KDM4C: variants seen among roughly 807,000 people sequenced by gnomAD.
KDM4C encodes the protein lysine-specific demethylase 4C.
In KDM4C, 81 loss-of-function variants were observed where a neutral mutation model predicts 129.3. That is an observed-to-expected ratio of 0.63 (90% CI 0.52 to 0.75). KDM4C has a LOEUF of 0.75. Ranked by LOEUF, KDM4C falls within the 30% of genes least tolerant of loss-of-function variation. The pLI, the probability that KDM4C is intolerant of heterozygous loss-of-function variation, is 0.00. For synonymous variants in KDM4C, 573 were observed against 456.1 expected, an observed-to-expected ratio of 1.26 and a Z score of -3.26; for missense variants, 1,457 against 1,304.0, an observed-to-expected ratio of 1.12 and a Z score of -1.81.
chr9:6,970,479 T>A (rs558231616), intron 8 of KDM4C, among the ~76,000 whole-genome samples: 1 of 152,342 alleles, frequency 6.6e-6, no homozygotes, highest in East Asian at 1.9e-4. Context: ...CAAAGATGGA[T>A]GTAATTTAAT....
chr9:7,063,631 A>T (rs944554018), intron 17 of KDM4C, among the ~76,000 whole-genome samples: 7 of 152,250 alleles, frequency 4.6e-5, no homozygotes, highest in Admixed American at 2.0e-4. Flanking sequence ...AAATTTAAAC[A>T]GACAATTGCA....
Position 6,823,441 on chromosome 9 carries a change from T to C in KDM4C, c.435+8696T>C, listed in dbSNP as rs143192292. Among the ~76,000 whole-genome samples, 856 of 152,306 alleles carry C rather than the reference T, an allele frequency of 5.6e-3. 11 individuals are homozygous for C. The highest frequency in any genetic ancestry group is 0.02 in the African/African-American group (816 of 41,570). On this transcript the variant is annotated intron_variant, in intron 4 of 21. Transcript: ENST00000381309. The stretch of plus-strand genomic sequence containing the variant: ...TTCCTGTGTGTGTAACCATCTTTGA[T>C]GATAGTTTTCTGCAGGTCACTGGAG...
chr9:7,064,759 G>C (rs34234959), intron 17 of KDM4C, among the ~76,000 whole-genome samples: 1 of 152,108 alleles, frequency 6.6e-6, no homozygotes, highest in African/African-American at 2.4e-5. Flanking sequence ...TAGGTATGTA[G>C]TTGTTTAACA....
chr9:6,988,563 G>GT (rs1198774192), intron 11 of KDM4C, among the ~76,000 whole-genome samples: 2 of 152,110 alleles, frequency 1.3e-5, no homozygotes, highest in African/African-American at 4.8e-5. Context: ...GTTTTGGTCA[G>GT]TTTTTTTTAG....
At chr9:6,956,788 T>G (rs1829140396) in intron 8 of KDM4C, among the ~76,000 whole-genome samples, 1 of 152,236 alleles carries the variant, frequency 6.6e-6, no homozygotes, top group Admixed American at 6.5e-5. Flanking sequence ...ATTAACCAGC[T>G]GGCATGCTTT....
At chr9:7,095,838 A>T (rs1836366944) in intron 17 of KDM4C, among the ~76,000 whole-genome samples, 1 of 152,220 alleles carries the variant, frequency 6.6e-6, no homozygotes. Flanking sequence ...TAATTCAGTA[A>T]TTCTGAGTTC....
chr9:6,925,829 T>C (rs527751811), intron 8 of KDM4C, among the ~76,000 whole-genome samples: 17 of 152,316 alleles, frequency 1.1e-4, no homozygotes, highest in Admixed American at 1.0e-3. Flanking sequence ...TATGATGTGG[T>C]ACTACCTCTT....
At chr9:7,032,981 T>A (rs1827033064) in intron 15 of KDM4C, among the ~76,000 whole-genome samples, 1 of 152,146 alleles carries the variant, frequency 6.6e-6, no homozygotes, top group Non-Finnish European at 1.5e-5. Context: ...GATAACGTCT[T>A]GAATTCAATT....
chr9:7,033,213 G>C (rs1213090962), intron 15 of KDM4C, among the ~76,000 whole-genome samples: 1 of 151,652 alleles, frequency 6.6e-6, no homozygotes, highest in Non-Finnish European at 1.5e-5. Flanking sequence ...CAGCCTGCAA[G>C]GCCGACTTTG....
At chr9:6,951,718 A>G (rs932474499) in intron 8 of KDM4C, among the ~76,000 whole-genome samples, 1 of 152,220 alleles carries the variant, frequency 6.6e-6, no homozygotes, top group Non-Finnish European at 1.5e-5. Context: ...TTTGACTGTC[A>G]TTGTCCTATT....
rs1587694659 is a variant in KDM4C at position 7,110,783 on chromosome 9, A to G, written c.2610+6913A>G. Among the ~76,000 whole-genome samples the G allele has an allele frequency of 3.3e-5, 5 of 152,224 alleles. 1 individual carries two copies. Among genetic ancestry groups the G allele is most frequent in the Admixed American group, 3.3e-4 (5 of 15,280 alleles). ...TCTCAGAAACTGACTTCATCCCAAG[A>G]TTTTTAAACCGACCTGAAACCAAGG... is the stretch of plus-strand genomic sequence containing the variant. On this transcript the variant is annotated intron_variant, in intron 18 of 21. Transcript: ENST00000381309.
At chr9:6,790,679 AAAAG>A (rs1220392282) in intron 1 of KDM4C, among the ~76,000 whole-genome samples, 1 of 149,662 alleles carries the variant, frequency 6.7e-6, no homozygotes, top group African/African-American at 2.4e-5. Flanking sequence ...AAAAAAAAAA[AAAAG>A]AGGAAAACTT....
At chr9:7,081,703 G>A (rs181959734) in intron 17 of KDM4C, among the ~76,000 whole-genome samples, 12 of 152,298 alleles carry the variant, frequency 7.9e-5, no homozygotes, top group Admixed American at 5.9e-4. Flanking sequence ...CTGGAAGTAC[G>A]ATAATTACGC....
intron 15 of KDM4C, among the ~76,000 whole-genome samples, chr9:7,038,756 T>G (rs1056054662): frequency 3.3e-5 from 5 of 152,070 alleles, no homozygotes; most frequent in Non-Finnish European, 7.4e-5. Context: ...TTCTTCTCCG[T>G]AACCATCATA....
At chr9:7,092,788 G>A (rs79777904) in intron 17 of KDM4C, among the ~76,000 whole-genome samples, 4,311 of 152,138 alleles carry the variant, frequency 0.028, 107 homozygotes, top group East Asian at 0.075. Context: ...GAACATAAGC[G>A]GTACACGTCT....
At chr9:7,019,140 T>G (rs929209428) in intron 15 of KDM4C, among the ~76,000 whole-genome samples, 4 of 152,244 alleles carry the variant, frequency 2.6e-5, no homozygotes, top group African/African-American at 9.6e-5. Context: ...CTGACAGTAT[T>G]GATATTCTGA....
intron 15 of KDM4C, among the ~76,000 whole-genome samples, chr9:7,026,064 G>C (rs1825761242): frequency 6.6e-6 from 1 of 152,000 alleles, no homozygotes. Flanking sequence ...AAATTAGTTG[G>C]GTGTTGTGGC....
At chr9:7,076,492 T>A in intron 17 of KDM4C, 2 of 1,549,806 alleles carry the variant, frequency 1.3e-6, no homozygotes, top group Non-Finnish European at 1.7e-6. Flanking sequence ...CAATGAAGGC[T>A]CACTGTGAAA....
At chr9:7,135,589 T>C (rs1404085157) in intron 19 of KDM4C, among the ~76,000 whole-genome samples, 2 of 147,014 alleles carry the variant, frequency 1.4e-5, no homozygotes, top group African/African-American at 2.6e-5. Context: ...TCCAGTGATG[T>C]TGTCCGTTCT....
Sources: gnomAD v4.1 joint callset for allele counts (sites outside exome capture counted in the v4.1 genomes callset) on GRCh38, gnomAD v4.1.1 for gene constraint, MANE v1.5 for transcripts, NCBI Gene and HGNC (gene_info 2026-07-23, HGNC 2026-07-21) for gene names.